Variants in UVRAG observed in about 807,000 individuals in gnomAD.
UVRAG encodes UV radiation resistance associated.
In UVRAG, 19 loss-of-function variants were observed where a neutral mutation model predicts 78.0. The ratio of observed to expected loss-of-function variants is 0.24; its 90% CI spans 0.17 to 0.36. UVRAG has a LOEUF of 0.36. UVRAG is among the 10% of genes least tolerant of loss of function. The pLI is 1.00. For synonymous variants in UVRAG, 323 were observed against 324.6 expected (o/e 1.00, Z 0.05); for missense variants, 740 against 853.8 (o/e 0.87, Z 1.66).
chr11:76,001,549 G>A (rs1019251580), intron 8 of UVRAG, among the ~76,000 whole-genome samples: 12 of 152,188 alleles, frequency 7.9e-5, no homozygotes, highest in Non-Finnish European at 2.9e-5. Flanking sequence ...TGATAAACCT[G>A]TAGCCATATT....
chr11:75,882,180 A>G (rs1946961638), intron 4 of UVRAG, among the ~76,000 whole-genome samples: 1 of 152,186 alleles, frequency 6.6e-6, no homozygotes, highest in Non-Finnish European at 1.5e-5. Context: ...TTCTTATTAA[A>G]GAAACAACTT....
chr11:75,967,671 G>A (rs1170202196), intron 7 of UVRAG, among the ~76,000 whole-genome samples: 2 of 152,040 alleles, frequency 1.3e-5, no homozygotes, highest in South Asian at 2.1e-4. Context: ...TGAACAAAAG[G>A]TTTAATTAGC....
chr11:75,838,431 G>T (rs1945832590), intron 1 of UVRAG, among the ~76,000 whole-genome samples: 1 of 151,872 alleles, frequency 6.6e-6, no homozygotes, highest in Non-Finnish European at 1.5e-5. Flanking sequence ...TCAACCTCCT[G>T]GGCTCAATCG....
chr11:75,822,146 G>A (rs1375868188), intron 1 of UVRAG, among the ~76,000 whole-genome samples: 1 of 151,918 alleles, frequency 6.6e-6, no homozygotes, highest in African/African-American at 2.4e-5. Context: ...GTTTCACCAT[G>A]TTGGCCAGGC....
Position 76,021,370 on chromosome 11 carries a change from G to GT in UVRAG, c.1226+4391dup, listed in dbSNP as rs770689273. Among the ~76,000 whole-genome samples the GT allele has an allele frequency of 3.3e-5, 5 of 152,170 alleles. No homozygotes were observed. The East Asian group carries it at 7.7e-4, about 24-fold the overall frequency. Reference sequence around the variant, plus strand: ...TCATTTCTGTAAGGTTTGTAGTAATGTCCCCACTTTCATTTCTCATTTTAC... The same window carrying GT: ...TCATTTCTGTAAGGTTTGTAGTAATGTTCCCCACTTTCATTTCTCATTTTAC... On this transcript the variant is annotated intron_variant, in intron 12 of 14. Transcript: ENST00000356136.
At chr11:76,124,672 G>A (rs1952353258) in intron 14 of UVRAG, among the ~76,000 whole-genome samples, 1 of 152,198 alleles carries the variant, frequency 6.6e-6, no homozygotes, top group South Asian at 2.1e-4. Flanking sequence ...GTTTAATGTT[G>A]GGAGAAGTAA....
intron 2 of UVRAG, 41 bp downstream of exon 2, chr11:75,852,041 T>G (rs191744825): frequency 1.4e-6 from 2 of 1,394,612 alleles, no homozygotes; most frequent in Admixed American, 2.2e-5. Context: ...GATTGTTATA[T>G]TTTTATTTTT....
intron 7 of UVRAG, among the ~76,000 whole-genome samples, chr11:75,980,867 G>A (rs1054487340): frequency 2.6e-5 from 4 of 152,012 alleles, no homozygotes; most frequent in Admixed American, 2.0e-4. Flanking sequence ...TTTTAGTAGA[G>A]ATGAGGTTTT....
chr11:75,931,157 G>A (rs1463768600), intron 6 of UVRAG, among the ~76,000 whole-genome samples: 2 of 151,178 alleles, frequency 1.3e-5, no homozygotes, highest in Admixed American at 6.6e-5. Flanking sequence ...ATGCTGTTTT[G>A]CAAATAATTT....
chr11:75,954,492 C>T (rs541790505), intron 6 of UVRAG, among the ~76,000 whole-genome samples: 1 of 152,074 alleles, frequency 6.6e-6, no homozygotes, highest in Non-Finnish European at 1.5e-5. Context: ...ATTGCTGTTT[C>T]CTCACTTGAA....
intron 7 of UVRAG, among the ~76,000 whole-genome samples, chr11:75,968,146 G>A (rs1949060368): frequency 6.6e-6 from 1 of 152,126 alleles, no homozygotes; most frequent in East Asian, 1.9e-4. Flanking sequence ...TTAGGATTTG[G>A]CATATTCAAC....
At chr11:76,113,344 A>G (rs1952116479) in intron 13 of UVRAG, among the ~76,000 whole-genome samples, 1 of 152,146 alleles carries the variant, frequency 6.6e-6, no homozygotes, top group Non-Finnish European at 1.5e-5. Context: ...TGTTTGTGTG[A>G]GAGCAAAGTG....
chr11:75,835,503 T>C (rs1590914845), intron 1 of UVRAG, among the ~76,000 whole-genome samples: 1 of 152,178 alleles, frequency 6.6e-6, no homozygotes, highest in Admixed American at 6.5e-5. Context: ...TGAGCCTGTT[T>C]CCCCTTCCAT....
At chr11:75,900,031 A>G (rs1209979951) in intron 5 of UVRAG, among the ~76,000 whole-genome samples, 1 of 152,224 alleles carries the variant, frequency 6.6e-6, no homozygotes, top group African/African-American at 2.4e-5. Context: ...GAAGCCAGAG[A>G]ATAATCTGGG....
intron 8 of UVRAG, among the ~76,000 whole-genome samples, chr11:75,989,247 G>T (rs984761609): frequency 1.3e-5 from 2 of 151,974 alleles, no homozygotes; most frequent in East Asian, 3.9e-4. Context: ...CAGAGACGTG[G>T]TTTCACCATG....
chr11:76,013,692 A>G (rs1950095091), intron 11 of UVRAG, among the ~76,000 whole-genome samples: 1 of 152,232 alleles, frequency 6.6e-6, no homozygotes, highest in East Asian at 1.9e-4. Flanking sequence ...ATGGCCTGCA[A>G]TAGCCATAAT....
intron 3 of UVRAG, among the ~76,000 whole-genome samples, chr11:75,866,775 G>C (rs555766511): frequency 9.2e-5 from 14 of 152,258 alleles, no homozygotes; most frequent in African/African-American, 3.1e-4. Context: ...AACAAAATAT[G>C]TTTAGTATGT....
At position 76,004,103 on chromosome 11, in the gene UVRAG, G is replaced by C. The variant is rs1949876728; in HGVS notation, c.911+14G>C. ...CACTGCAAAAAGGTAAATGCACACT[G>C]AGAAGAATTGCTGTGAGTGTGGAGT... On this transcript the variant is annotated intron_variant, in intron 9 of 14. Transcript: ENST00000356136. 6.2e-7 allele frequency: 1 copy of C among 1,611,056 alleles called. No homozygotes were observed. Among genetic ancestry groups the C allele is most frequent in the African/African-American group, 1.3e-5 (1 of 74,854 alleles).
chr11:75,976,078 G>A (rs1282260927), intron 7 of UVRAG, among the ~76,000 whole-genome samples: 1 of 152,080 alleles, frequency 6.6e-6, no homozygotes. Context: ...TAGCATGAAG[G>A]GCTGTTGAAT....
Sources: allele counts gnomAD v4.1 joint callset (sites outside exome capture counted in the v4.1 genomes callset), GRCh38; gene constraint gnomAD v4.1.1; transcripts MANE v1.5; gene names NCBI Gene and HGNC (gene_info 2026-07-23, HGNC 2026-07-21).